Variants in XPO5 observed in about 807,000 individuals in gnomAD.
XPO5 encodes exportin 5, also known as exportin-5.
Under a neutral mutation model 160.6 loss-of-function variants are expected in XPO5, and 46 were observed. The ratio of observed to expected loss-of-function variants is 0.29; its 90% CI spans 0.23 to 0.37. The LOEUF is 0.37. Ranked by LOEUF, XPO5 falls within the 10% of genes least tolerant of loss-of-function variation. The probability of loss-of-function intolerance (pLI) is 1.00; values close to 1 mark genes in which losing one functional copy is unlikely to be tolerated. For missense variants in XPO5, 1,090 were observed against 1,463.9 expected, an observed-to-expected ratio of 0.74 and a Z score of 4.17; for synonymous variants, 537 against 519.3, an observed-to-expected ratio of 1.03 and a Z score of -0.46.
chr6:43,528,425 T>TG (rs1793734338), intron 24 of XPO5, among the ~76,000 whole-genome samples: 1 of 152,120 alleles, frequency 6.6e-6, no homozygotes, highest in South Asian at 2.1e-4. Flanking sequence ...AACACCTCTT[T>TG]GCTTGGAAAG....
intron 23 of XPO5, chr6:43,529,352 C>A (rs753625192): frequency 7.1e-6 from 3 of 424,454 alleles, no homozygotes; most frequent in Non-Finnish European, 4.3e-6. Context: ...ACCATCCTGG[C>A]TAACATGGTG....
At chr6:43,531,625 C>T (rs767916735) in intron 21 of XPO5, 50 bp from the exon 22 acceptor site, 2 of 1,496,848 alleles carry the variant, frequency 1.3e-6, no homozygotes, top group African/African-American at 2.8e-5. Flanking sequence ...TCAGGAGTCT[C>T]AATTGGCCAA....
chr6:43,552,210 A>C (rs1795261253), intron 14 of XPO5, among the ~76,000 whole-genome samples: 1 of 151,968 alleles, frequency 6.6e-6, no homozygotes, highest in Non-Finnish European at 1.5e-5. Context: ...GGCACCCATG[A>C]CCATGCCCGG....
At chr6:43,533,266 G>C (rs1352187090) in intron 21 of XPO5, 13 of 125,106 alleles carry the variant, frequency 1.0e-4, no homozygotes, top group South Asian at 2.7e-4. Context: ...ACACACACGA[G>C]GAGGCAGGAA....
At chr6:43,570,220 G>A (rs1321848788) in intron 5 of XPO5, among the ~76,000 whole-genome samples, 1 of 147,598 alleles carries the variant, frequency 6.8e-6, no homozygotes, top group Non-Finnish European at 1.5e-5. Flanking sequence ...GTTGAGGCAG[G>A]AGAATCGCTT....
intron 1 of XPO5, among the ~76,000 whole-genome samples, chr6:43,574,565 G>A (rs1376531497): frequency 1.3e-5 from 2 of 151,528 alleles, no homozygotes; most frequent in Admixed American, 6.6e-5. Context: ...TCCATGCTAC[G>A]GCCAACAGTA....
chr6:43,573,828 T>A (rs869063986), intron 1 of XPO5, among the ~76,000 whole-genome samples: 1,988 of 132,642 alleles, frequency 0.015, 25 homozygotes, highest in African/African-American at 0.032. Context: ...TATATATTTT[T>A]TTTTTTTTTT....
intron 1 of XPO5, 145 bp from the exon 2 acceptor site, chr6:43,573,746 C>T: frequency 2.1e-6 from 2 of 956,150 alleles, no homozygotes; most frequent in Non-Finnish European, 2.9e-6. Flanking sequence ...GGGTGGACTA[C>T]TTGAGTCTAG....
intron 5 of XPO5, among the ~76,000 whole-genome samples, chr6:43,570,167 CCGGGCCTGGTGG>C (rs1444117854): frequency 6.6e-6 from 1 of 150,876 alleles, no homozygotes; most frequent in African/African-American, 2.4e-5. Context: ...AAAAAATCAG[CCGGGCCTGGTGG>C]CGGGCGCCTG....
chr6:43,527,467 T>G, intron 26 of XPO5, 167 bp downstream of exon 26: 1 of 623,198 alleles, frequency 1.6e-6, no homozygotes, highest in Non-Finnish European at 2.8e-6. Context: ...AGAGACAGGG[T>G]TTCACCATGT....
intron 8 of XPO5, among the ~76,000 whole-genome samples, chr6:43,565,030 C>T (rs1429807716): frequency 6.6e-6 from 1 of 151,688 alleles, no homozygotes; most frequent in African/African-American, 2.4e-5. Flanking sequence ...TCAAGATACT[C>T]TCCTGCCTCA....
intron 12 of XPO5, among the ~76,000 whole-genome samples, chr6:43,557,228 C>T (rs1762141251): frequency 6.6e-6 from 1 of 151,342 alleles, no homozygotes; most frequent in South Asian, 2.1e-4. Flanking sequence ...AGATTGAGAC[C>T]ATCCTGGCTA....
Position 43,562,240 on chromosome 6 carries a change from A to G in XPO5, c.1011+7T>C. ...TGAAGCTCTCCAGAAAGCAAACACT[A>G]GCTCACCAGCAATGCACACAGCTGA... On this transcript the variant is annotated splice_region_variant and intron_variant, in intron 9 of 31. Transcript: ENST00000265351. 6.3e-7 allele frequency: 1 copy of G among 1,599,718 alleles called. No homozygotes were observed. The highest frequency in any genetic ancestry group is 8.5e-7 in the Non-Finnish European group (1 of 1,173,132).
Position 43,568,692 on chromosome 6 carries a change from C to T in XPO5, c.648+19G>A, listed in dbSNP as rs761689580. ...GAAAGGTTCAAAGGTCTCCTTCAAACTTTATAAAGAGCTCTTACCTTTGAC... is the reference window on the plus strand; with the variant it reads ...GAAAGGTTCAAAGGTCTCCTTCAAATTTTATAAAGAGCTCTTACCTTTGAC... On this transcript the variant is annotated intron_variant, in intron 6 of 31. Coordinates refer to ENST00000265351, the MANE Select transcript of XPO5 (RefSeq NM_020750.3). 6.4e-6 allele frequency: 10 copies of T among 1,573,516 alleles called. No individual in the cohort carries two copies. The highest frequency in any genetic ancestry group is 3.7e-5 in the Admixed American group (2 of 54,178).
chr6:43,535,050 T>C (rs1794231046), intron 20 of XPO5, among the ~76,000 whole-genome samples: 2 of 151,052 alleles, frequency 1.3e-5, no homozygotes. Context: ...CCCAGCACTT[T>C]GGGAGGCTGA....
chr6:43,555,637 T>C (rs1411195653), intron 13 of XPO5, 199 bp downstream of exon 13: 1 of 531,934 alleles, frequency 1.9e-6, no homozygotes, highest in Non-Finnish European at 3.0e-6. Context: ...TTTACCCTAA[T>C]TTAAAACAAA....
chr6:43,543,265 C>T (rs942953012), intron 20 of XPO5, among the ~76,000 whole-genome samples: 10 of 152,076 alleles, frequency 6.6e-5, no homozygotes, highest in African/African-American at 2.4e-4. Flanking sequence ...CTAGCCTCAG[C>T]AACATAGAGA....
intron 20 of XPO5, chr6:43,539,846 T>C (rs1794592562): frequency 3.9e-6 from 2 of 514,104 alleles, no homozygotes; most frequent in Non-Finnish European, 6.8e-6. Context: ...CTAATTTAAC[T>C]ACTACCAATA....
intron 20 of XPO5, among the ~76,000 whole-genome samples, chr6:43,541,431 A>C (rs910456359): frequency 1.3e-5 from 2 of 152,240 alleles, no homozygotes; most frequent in African/African-American, 4.8e-5. Context: ...CTAACAAAAA[A>C]CATCCCCACC....
Sources: gnomAD v4.1 joint callset for allele counts (sites outside exome capture counted in the v4.1 genomes callset) on GRCh38, gnomAD v4.1.1 for gene constraint, MANE v1.5 for transcripts, NCBI Gene and HGNC (gene_info 2026-07-23, HGNC 2026-07-21) for gene names.